Variants in HSD11B1L observed in about 807,000 individuals in gnomAD.
The protein encoded by HSD11B1L is hydroxysteroid 11-beta-dehydrogenase 1-like protein.
Under a neutral mutation model 27.0 loss-of-function variants are expected in HSD11B1L, and 22 were observed. That is an observed-to-expected ratio of 0.81 (90% CI 0.58 to 1.16). The LOEUF (loss-of-function observed/expected upper bound fraction) is 1.16, where lower values mean the gene tolerates loss of function less well. Among genes scored for constraint, HSD11B1L ranks in the 50% most tolerant of loss-of-function variants. The pLI is 0.00. For missense variants in HSD11B1L, 372 were observed against 401.8 expected (o/e 0.93, Z 0.63); for synonymous variants, 187 against 189.2 (o/e 0.99, Z 0.09).
intron 1 of HSD11B1L, among the ~76,000 whole-genome samples, 181 bp downstream of exon 1, chr19:5,681,452 C>T (rs534140062): frequency 6.6e-6 from 1 of 152,232 alleles, no homozygotes; most frequent in East Asian, 1.9e-4. Flanking sequence ...CTGTCCCCCA[C>T]CCGTCTATCC....
At chr19:5,686,813 C>A in intron 4 of HSD11B1L, 87 bp from the exon 5 acceptor site, 1 of 1,147,330 alleles carries the variant, frequency 8.7e-7, no homozygotes, top group Non-Finnish European at 1.2e-6. Flanking sequence ...GCTGGACCAG[C>A]GCTCTGGGTG....
chr19:5,682,809 AC>A (rs1280569443), intron 1 of HSD11B1L, among the ~76,000 whole-genome samples: 2 of 103,484 alleles, frequency 1.9e-5, no homozygotes, highest in Admixed American at 9.9e-5. Flanking sequence ...TGTCCCATTG[AC>A]TTTTTTTTTT....
intron 1 of HSD11B1L, 88 bp downstream of exon 1, chr19:5,681,359 C>G (rs567658360): frequency 2.0e-5 from 3 of 152,470 alleles, no homozygotes; most frequent in African/African-American, 7.2e-5. Context: ...CAAGAAGGGG[C>G]CGATGCGTTC....
At chr19:5,683,607 T>A (rs2054612064) in intron 1 of HSD11B1L, among the ~76,000 whole-genome samples, 1 of 152,176 alleles carries the variant, frequency 6.6e-6, no homozygotes, top group Non-Finnish European at 1.5e-5. Context: ...CAAATGGTCC[T>A]TGGGCTGGGC....
Position 5,688,413 on chromosome 19 carries a change from C to T in HSD11B1L, c.*468C>T, listed in dbSNP as rs1005893551. The stretch of plus-strand genomic sequence containing the variant: ...CTCTTCACACCTGCAGGGGCGTCTA[C>T]ACTGTTCGTCTACCTGGTGGCAGGG... On this transcript the variant is annotated 3_prime_UTR_variant, in exon 8 of 8. Transcript: ENST00000339423. 6 of 577,482 alleles carry T rather than the reference C, an allele frequency of 1.0e-5. No individual in the cohort carries two copies. Among genetic ancestry groups the T allele is most frequent in the Admixed American group, 9.5e-5 (3 of 31,660 alleles). The allele number at this position is 577,482 out of a possible 1,614,324, so 35.8% of individuals were successfully genotyped here. A position where few individuals can be genotyped will look rare whatever the true frequency, so the allele number is the denominator to read the frequency against.
In HSD11B1L at chr19:5,687,822, G is replaced by A. The variant is rs1275236052; in HGVS notation, c.738G>A (p.Thr246=). 3 of 1,542,176 alleles carry A rather than the reference G, an allele frequency of 1.9e-6. No individual in the cohort carries two copies. Among genetic ancestry groups the A allele is most frequent in the South Asian group, 1.2e-5 (1 of 84,284 alleles). Residue 246 remains threonine, a synonymous_variant, in exon 8 of 8, where the codon ACG becomes ACA. Coordinates refer to ENST00000339423, the MANE Select transcript of HSD11B1L (RefSeq NM_198706.3). The surrounding 1 kb of genome is among the most constrained non-coding windows in gnomAD (Gnocchi z 6.6). ...AALAVIRGGA[T]RAAGVFYPWR... ...TGGCCGTGATCCGCGGCGGCGCCAC[G>A]CGCGCGGCCGGCGTCTTCTACCCGT...
At chr19:5,684,756 C>G in intron 1 of HSD11B1L, 63 bp from the exon 2 acceptor site, 2 of 1,607,712 alleles carry the variant, frequency 1.2e-6, no homozygotes, top group African/African-American at 2.7e-5. Context: ...CAAACACCCA[C>G]CAAACACGGG....
Position 5,687,305 on chromosome 19 carries a change from A to G in HSD11B1L, c.432A>G (p.Gln144=), listed in dbSNP as rs767503263. 8 of 1,612,792 alleles carry G rather than the reference A, an allele frequency of 5.0e-6. No individual in the cohort carries two copies. The highest frequency in any genetic ancestry group is 5.9e-6 in the Non-Finnish European group (7 of 1,179,772). The change falls in exon 6 of 8, where the codon CAA becomes CAG. Residue 144 remains glutamine (Q), a synonymous_variant. Coordinates refer to ENST00000339423, the MANE Select transcript of HSD11B1L (RefSeq NM_198706.3). This position sits in a 1 kb window ranked among gnomAD's most constrained non-coding sequence, Gnocchi z 6.6. ...AGGTAAACTTTGTGAGCTACGTGCA[A>G]CTGACGTCGCGGGCGCTGCCCAGCC... ...LMQVNFVSYV[Q]LTSRALPSLT...
Position 5,688,107 on chromosome 19 carries a change from A to C in HSD11B1L, c.*162A>C, listed in dbSNP as rs1486197105. ...ACCGAGAAAAACGACGGGCACCTGG[A>C]ACCAGTCACGGCTTGGGAGGTGCAG... On this transcript the variant is annotated 3_prime_UTR_variant, in exon 8 of 8. Transcript: ENST00000339423. The C allele has an allele frequency of 6.4e-7, 1 of 1,551,478 alleles. No individual in the cohort carries two copies. The highest frequency in any genetic ancestry group is 8.7e-7 in the Non-Finnish European group (1 of 1,146,988).
chr19:5,686,910 C>G lies in HSD11B1L; in HGVS notation c.327C>G (p.Asp109Glu). ...QFALDKLGGL[D>E]YLVLNHIGGA... is the part of the protein sequence containing the mutation. ...GCGTTTCTGGGCCAGGCGGGCTGGA[C>G]TACCTCGTGCTGAACCACATCGGCG... The change falls in exon 5 of 8, where the codon GAC (aspartate) becomes GAG (glutamate). Residue 109 changes from aspartate (D) to glutamate (E), a missense_variant. Transcript: ENST00000339423. 1 of 1,550,830 alleles carries G rather than the reference C, an allele frequency of 6.4e-7. No homozygotes were observed. Among genetic ancestry groups the G allele is most frequent in the Non-Finnish European group, 8.7e-7 (1 of 1,147,756 alleles).
intron 1 of HSD11B1L, chr19:5,684,085 C>G: frequency 2.1e-6 from 1 of 469,670 alleles, no homozygotes; most frequent in East Asian, 3.5e-5. Flanking sequence ...AAGCGATTCT[C>G]CTGCCTCAGC....
chr19:5,686,490 G>C lies in HSD11B1L; in HGVS notation c.279G>C (p.Ala93=). Residue 93 remains alanine, a synonymous_variant, in exon 4 of 8, where the codon GCG becomes GCC. Coordinates refer to ENST00000339423, the MANE Select transcript of HSD11B1L (RefSeq NM_198706.3). The stretch of plus-strand genomic sequence containing the variant: ...CGGCGGACATGGCCTCCCCTGAGGC[G>C]CCCGAGAGCGTGGTGCAGTTTGCGC... ...YIAADMASPE[A]PESVVQFALD... is the part of the protein sequence containing the mutation. 2.5e-6 allele frequency: 4 copies of C among 1,585,084 alleles called. No individual in the cohort carries two copies. The highest frequency in any genetic ancestry group is 3.4e-6 in the Non-Finnish European group (4 of 1,167,440).
intron 3 of HSD11B1L, among the ~76,000 whole-genome samples, chr19:5,686,207 C>A (rs1480174318): frequency 6.6e-6 from 1 of 152,100 alleles, no homozygotes; most frequent in African/African-American, 2.4e-5. Flanking sequence ...GATTGACTAA[C>A]CACCAAATTG....
In HSD11B1L at chr19:5,687,923, A is replaced by G. The variant is rs1384552864; in HGVS notation, c.839A>G (p.Asn280Ser). 1.9e-6 allele frequency: 3 copies of G among 1,566,640 alleles called. No homozygotes were observed. The highest frequency in any genetic ancestry group is 2.6e-6 in the Non-Finnish European group (3 of 1,155,256). Residue 280 changes from asparagine (N) to serine (S), a missense_variant, in exon 8 of 8, where the codon AAC becomes AGC. Coordinates refer to ENST00000339423, the MANE Select transcript of HSD11B1L (RefSeq NM_198706.3). This position sits in a 1 kb window ranked among gnomAD's most constrained non-coding sequence, Gnocchi z 6.6. ...PRAWFIRQEL[N>S]VTAAAA is the part of the protein sequence containing the mutation. ...GCCTGGTTTATCCGCCAGGAGCTCA[A>G]CGTCACGGCCGCGGCAGCCTGAGCA...
Position 5,687,239 on chromosome 19 carries a change from C to G in HSD11B1L, c.409-43C>G, listed in dbSNP as rs1382264746. The G allele has an allele frequency of 3.7e-6, 6 of 1,601,178 alleles. No individual in the cohort carries two copies. Among genetic ancestry groups the G allele is most frequent in the Non-Finnish European group, 5.1e-6 (6 of 1,172,966 alleles). ...CTGGGTTTCTGGCCCCGCCCTGCCC[C>G]TGGGCTCCGCCTCTGCCGGTGACTC... is the stretch of plus-strand genomic sequence containing the variant. On this transcript the variant is annotated intron_variant, in intron 5 of 7. Coordinates refer to ENST00000339423, the MANE Select transcript of HSD11B1L (RefSeq NM_198706.3). This position sits in a 1 kb window ranked among gnomAD's most constrained non-coding sequence, Gnocchi z 6.6.
At chr19:5,684,429 C>A in intron 1 of HSD11B1L, 1 of 381,282 alleles carries the variant, frequency 2.6e-6, no homozygotes, top group African/African-American at 2.0e-5. Context: ...GGCCCTGAGG[C>A]AGGATAGTGA....
At chr19:5,682,103 G>A (rs547805998) in intron 1 of HSD11B1L, among the ~76,000 whole-genome samples, 15 of 152,362 alleles carry the variant, frequency 9.8e-5, no homozygotes, top group Non-Finnish European at 2.2e-4. Flanking sequence ...GGGGCCGTGG[G>A]AGAGAAGGAT....
Position 5,685,233 on chromosome 19 carries a change from C to T in HSD11B1L, c.204+114C>T. On this transcript the variant is annotated intron_variant, in intron 3 of 7. Transcript: ENST00000339423. The surrounding 1 kb of genome is among the most constrained non-coding windows in gnomAD (Gnocchi z 4.3). ...TTCCCGTGTGACCTTGGGCAAGTCG[C>T]CTAACCTCTCTGAGCCTCTCAGTTT... 2 of 1,351,228 alleles carry T rather than the reference C, an allele frequency of 1.5e-6. No homozygotes were observed. Among genetic ancestry groups the T allele is most frequent in the Non-Finnish European group, 2.0e-6 (2 of 978,778 alleles). 83.7% of individuals were successfully genotyped at this position (1,351,228 alleles called of 1,614,324 possible).
In HSD11B1L at chr19:5,687,394, G is replaced by A; in HGVS notation, c.502+19G>A. The A allele has an allele frequency of 1.9e-6, 3 of 1,609,254 alleles. No homozygotes were observed. The highest frequency in any genetic ancestry group is 2.5e-6 in the Non-Finnish European group (3 of 1,179,038). On this transcript the variant is annotated intron_variant, in intron 6 of 7. Transcript: ENST00000339423. The surrounding 1 kb of genome is among the most constrained non-coding windows in gnomAD (Gnocchi z 6.6). ...CTGCTCGGTGCGTGCACCCGGCCCC[G>A]GCTCTGCGGGACGGGGAGTGGGGAG...
Sources: gnomAD v4.1 joint callset for allele counts (sites outside exome capture counted in the v4.1 genomes callset) on GRCh38, gnomAD v4.1.1 for gene constraint, Gnocchi (gnomAD v3.1) non-coding constraint, MANE v1.5 for transcripts, NCBI Gene and HGNC (gene_info 2026-07-23, HGNC 2026-07-21) for gene names.